SHANK2: variants seen among roughly 807,000 people sequenced by gnomAD.
SHANK2 encodes SH3 and multiple ankyrin repeat domains 2.
In SHANK2, 43 loss-of-function variants were observed where a neutral mutation model predicts 133.7. That is an observed-to-expected ratio of 0.32 (90% CI 0.25 to 0.41). The LOEUF (loss-of-function observed/expected upper bound fraction) is 0.41. Among genes scored for constraint, SHANK2 ranks in the 10% least tolerant of loss-of-function variants. SHANK2 has a pLI of 1.00. For synonymous variants in SHANK2, 1,017 were observed against 952.8 expected (o/e 1.07, Z -1.24); for missense variants, 1,994 against 2,235.8 (o/e 0.89, Z 2.18).
chr11:70,738,365 A>T (rs139315900), intron 14 of SHANK2, among the ~76,000 whole-genome samples: 1 of 152,348 alleles, frequency 6.6e-6, no homozygotes, highest in African/African-American at 2.4e-5. Flanking sequence ...ATAAACACTC[A>T]GTGGAGGCTG....
rs1014888779 is a variant in SHANK2, at chr11:71,082,952, C to A, written c.913-7677G>T. Among the ~76,000 whole-genome samples, 28 of 149,356 alleles carry A rather than the reference C, an allele frequency of 1.9e-4. No homozygotes were observed. The East Asian group carries it at 2.2e-3, about 12-fold the overall frequency. On this transcript the variant is annotated intron_variant, in intron 8 of 25. Coordinates refer to ENST00000601538, the MANE Select transcript of SHANK2 (RefSeq NM_012309.5). Reference sequence around the variant, plus strand: ...TTGTTTCTTAACGCCCGCCCCCCCCCCAACCCTTCTGAAACAGGTTCTCAC... The same window carrying A: ...TTGTTTCTTAACGCCCGCCCCCCCCACAACCCTTCTGAAACAGGTTCTCAC...
chr11:70,871,859 A>G (rs1949470919), intron 11 of SHANK2, among the ~76,000 whole-genome samples: 1 of 152,194 alleles, frequency 6.6e-6, no homozygotes, highest in Non-Finnish European at 1.5e-5. Flanking sequence ...TTCTATTAAT[A>G]TTTAAGGCAA....
At chr11:70,866,614 G>A (rs1322122073) in intron 11 of SHANK2, among the ~76,000 whole-genome samples, 8 of 152,116 alleles carry the variant, frequency 5.3e-5, no homozygotes, top group Admixed American at 4.6e-4. Context: ...TCCGAGGAGA[G>A]CAATTTACAA....
At chr11:70,941,786 C>A (rs1950651653) in intron 10 of SHANK2, among the ~76,000 whole-genome samples, 1 of 152,122 alleles carries the variant, frequency 6.6e-6, no homozygotes, top group African/African-American at 2.4e-5. Flanking sequence ...TTGTGTAACA[C>A]CTCCCAGCCT....
chr11:70,670,982 G>T (rs982541035), intron 15 of SHANK2, among the ~76,000 whole-genome samples: 2 of 152,178 alleles, frequency 1.3e-5, no homozygotes, highest in African/African-American at 4.8e-5. Flanking sequence ...TTCTCAAATC[G>T]GCAATTATGA....
intron 13 of SHANK2, among the ~76,000 whole-genome samples, chr11:70,805,984 G>A (rs1244653248): frequency 3.9e-5 from 6 of 152,238 alleles, no homozygotes; most frequent in Admixed American, 2.0e-4. Flanking sequence ...CAGGCAAGAG[G>A]GCGGGGCTCT....
intron 8 of SHANK2, among the ~76,000 whole-genome samples, chr11:71,081,441 C>T (rs921621297): frequency 1.3e-5 from 2 of 152,200 alleles, no homozygotes; most frequent in Non-Finnish European, 2.9e-5. Context: ...AAGCTGCGGC[C>T]CTTGCCCACC....
At position 70,827,638 on chromosome 11, in the gene SHANK2, G is replaced by GT. The variant is rs797024799; in HGVS notation, c.1175-6957dup. Among the ~76,000 whole-genome samples, 352 of 108,210 alleles carry GT rather than the reference G, an allele frequency of 3.3e-3. 9 individuals carry two copies. Among genetic ancestry groups the GT allele is most frequent in the African/African-American group, 7.5e-3 (207 of 27,560 alleles). The allele number at this position is 108,210 out of a possible 152,430, so 71.0% of individuals were successfully genotyped here. ...TTTAGTGTGCTGTGTGTGTGTGTGT[G>GT]TTTTTTTTTTTTTTTTTTCTGGTTG... is the stretch of plus-strand genomic sequence containing the variant. On this transcript the variant is annotated intron_variant, in intron 11 of 25. Transcript: ENST00000601538.
chr11:70,713,084 T>C (rs1287274447), intron 14 of SHANK2, among the ~76,000 whole-genome samples: 2 of 152,234 alleles, frequency 1.3e-5, no homozygotes, highest in Non-Finnish European at 2.9e-5. Context: ...TCCCTTAACA[T>C]TGGCATGGGT....
At chr11:70,837,559 T>C (rs1228450286) in intron 11 of SHANK2, among the ~76,000 whole-genome samples, 1 of 152,170 alleles carries the variant, frequency 6.6e-6, no homozygotes, top group Non-Finnish European at 1.5e-5. Context: ...AACATTGAAG[T>C]TATGTTAGTT....
At chr11:71,164,538 C>T (rs1953099773) in intron 2 of SHANK2, among the ~76,000 whole-genome samples, 1 of 152,158 alleles carries the variant, frequency 6.6e-6, no homozygotes, top group Admixed American at 6.5e-5. Context: ...ATGACAGCTG[C>T]CGCACCTTCT....
chr11:70,485,277 G>A lies in SHANK2; in HGVS notation c.4979+37C>T, dbSNP rs781864983. The A allele has an allele frequency of 6.4e-6, 10 of 1,555,228 alleles. No homozygotes were observed. The highest frequency in any genetic ancestry group is 2.0e-4 in the Middle Eastern group (1 of 5,086). ...TTCCTGGTCAGCAGGGACAGTGCAC[G>A]CAGAGCGGTGTGCATGTGCACCAAC... On this transcript the variant is annotated intron_variant, in intron 25 of 25. Coordinates refer to ENST00000601538, the MANE Select transcript of SHANK2 (RefSeq NM_012309.5). The surrounding 1 kb of genome is among the most constrained non-coding windows in gnomAD (Gnocchi z 5.8).
chr11:70,552,867 C>T (rs2059787476), intron 17 of SHANK2, among the ~76,000 whole-genome samples: 3 of 152,124 alleles, frequency 2.0e-5, no homozygotes, highest in Admixed American at 6.5e-5. Context: ...GCTGCCCTAA[C>T]AGAGCACAGA....
intron 10 of SHANK2, among the ~76,000 whole-genome samples, chr11:70,928,521 G>A (rs1318313273): frequency 1.3e-5 from 2 of 152,170 alleles, no homozygotes; most frequent in African/African-American, 4.8e-5. Context: ...GCTTTTATGT[G>A]GAACACGAGA....
intron 11 of SHANK2, among the ~76,000 whole-genome samples, chr11:70,888,456 G>T (rs782619476): frequency 8.5e-4 from 61 of 71,816 alleles, no homozygotes; most frequent in South Asian, 1.2e-3. Flanking sequence ...CAACTGATTT[G>T]CCAATATGTG....
intron 3 of SHANK2, among the ~76,000 whole-genome samples, chr11:71,138,294 C>T (rs1322225350): frequency 6.6e-6 from 1 of 152,168 alleles, no homozygotes; most frequent in African/African-American, 2.4e-5. Flanking sequence ...GGAGCCAGCC[C>T]CAGGTACAGG....
At chr11:71,167,371 G>T (rs1953175620) in intron 2 of SHANK2, among the ~76,000 whole-genome samples, 2 of 151,004 alleles carry the variant, frequency 1.3e-5, no homozygotes, top group African/African-American at 2.4e-5. Flanking sequence ...CCGGGCAGAG[G>T]CGCCCCTCAC....
intron 11 of SHANK2, among the ~76,000 whole-genome samples, chr11:70,836,804 C>A (rs1948825645): frequency 1.3e-5 from 2 of 152,238 alleles, no homozygotes; most frequent in African/African-American, 4.8e-5. Context: ...AGTCCTGTGG[C>A]CTGAAGGTTT....
chr11:71,127,778 T>C (rs1952218526), intron 3 of SHANK2, among the ~76,000 whole-genome samples: 1 of 152,264 alleles, frequency 6.6e-6, no homozygotes, highest in South Asian at 2.1e-4. Context: ...ATTCATTTTA[T>C]TGCAGTGGTC....
Sources: allele counts gnomAD v4.1 joint callset (sites outside exome capture counted in the v4.1 genomes callset), GRCh38; gene constraint gnomAD v4.1.1; non-coding constraint Gnocchi (gnomAD v3.1); transcripts MANE v1.5; gene names NCBI Gene and HGNC (gene_info 2026-07-23, HGNC 2026-07-21).